Variants in ROR1 observed in about 807,000 individuals in gnomAD.
ROR1 encodes ROR family WNT receptor 1, also known as inactive tyrosine-protein kinase transmembrane receptor ROR1.
ROR1 carries 19 observed loss-of-function variants against 78.8 expected under a neutral mutation model. That is an observed-to-expected ratio of 0.24 (90% CI 0.17 to 0.35). ROR1 has a LOEUF of 0.35. ROR1 is among the 10% of genes least tolerant of loss of function. The pLI, the probability that ROR1 is intolerant of heterozygous loss-of-function variation, is 1.00. For synonymous variants in ROR1, 386 were observed against 433.6 expected (o/e 0.89, Z 1.36); for missense variants, 917 against 1,177.8 (o/e 0.78, Z 3.24).
At position 64,067,786 on chromosome 1, in the gene ROR1, C is replaced by T. The variant is rs545116957; in HGVS notation, c.482+17070C>T. Among the ~76,000 whole-genome samples, 16 of 145,314 alleles carry T rather than the reference C, an allele frequency of 1.1e-4. 1 individual carries two copies. In the East Asian group the frequency reaches 3.2e-3, roughly 29 times the overall value. On this transcript the variant is annotated intron_variant, in intron 4 of 8. Coordinates refer to ENST00000371079, the MANE Select transcript of ROR1 (RefSeq NM_005012.4). ...AGAGTGCAGTGGTGTGACCTCGGCT[C>T]ACTGCAAGCTCCGCCTCCCGGGTTC...
At chr1:63,865,964 A>G (rs1263658176) in intron 1 of ROR1, among the ~76,000 whole-genome samples, 4 of 152,172 alleles carry the variant, frequency 2.6e-5, no homozygotes, top group Non-Finnish European at 5.9e-5. Flanking sequence ...AAAAAACCCA[A>G]CAATCTTGAA....
chr1:63,831,007 C>T (rs1274526956), intron 1 of ROR1, among the ~76,000 whole-genome samples: 1 of 152,226 alleles, frequency 6.6e-6, no homozygotes, highest in African/African-American at 2.4e-5. Context: ...CCAAAATAAT[C>T]TCCTTTGACT....
chr1:64,076,060 C>A (rs939050613), intron 4 of ROR1, among the ~76,000 whole-genome samples: 4 of 151,782 alleles, frequency 2.6e-5, no homozygotes, highest in Non-Finnish European at 4.4e-5. Flanking sequence ...TCCTACCCTT[C>A]TTGCTGACAG....
chr1:63,789,629 T>C (rs1644713122), intron 1 of ROR1, among the ~76,000 whole-genome samples: 1 of 150,810 alleles, frequency 6.6e-6, no homozygotes, highest in South Asian at 2.1e-4. Context: ...ATTGTGGTTT[T>C]GCATTTGAAT....
chr1:63,967,772 T>C (rs1364308151), intron 1 of ROR1, among the ~76,000 whole-genome samples: 1 of 152,200 alleles, frequency 6.6e-6, no homozygotes, highest in Non-Finnish European at 1.5e-5. Flanking sequence ...AATCATAGAA[T>C]TGGAGGGGGA....
At chr1:63,986,759 T>A (rs1646256112) in intron 1 of ROR1, among the ~76,000 whole-genome samples, 1 of 151,780 alleles carries the variant, frequency 6.6e-6, no homozygotes, top group Non-Finnish European at 1.5e-5. Context: ...TAGCCAGACT[T>A]GGTGGTGTGT....
At chr1:63,781,772 A>G (rs1177757468) in intron 1 of ROR1, among the ~76,000 whole-genome samples, 2 of 152,162 alleles carry the variant, frequency 1.3e-5, no homozygotes, top group Non-Finnish European at 2.9e-5. Context: ...CCTGATCAGG[A>G]TTTATCTGCC....
At chr1:63,950,012 G>A (rs1043266525) in intron 1 of ROR1, among the ~76,000 whole-genome samples, 13 of 152,078 alleles carry the variant, frequency 8.5e-5, no homozygotes, top group African/African-American at 2.7e-4. Flanking sequence ...TAGAATCACC[G>A]CAGTTTCCAA....
chr1:63,979,068 C>T (rs1248266583), intron 1 of ROR1, among the ~76,000 whole-genome samples: 1 of 152,152 alleles, frequency 6.6e-6, no homozygotes, highest in Admixed American at 6.5e-5. Context: ...TGAGGACCAC[C>T]CACATTATGG....
chr1:64,023,487 C>T (rs1457674582), intron 2 of ROR1, among the ~76,000 whole-genome samples: 1 of 152,146 alleles, frequency 6.6e-6, no homozygotes, highest in African/African-American at 2.4e-5. Context: ...GATGTGTCAC[C>T]TGTACTGTTT....
At chr1:63,831,391 G>A (rs1188763056) in intron 1 of ROR1, among the ~76,000 whole-genome samples, 1 of 152,212 alleles carries the variant, frequency 6.6e-6, no homozygotes, top group South Asian at 2.1e-4. Context: ...TGAAATCTAG[G>A]CAAAGGCTTC....
chr1:64,126,897 C>A (rs550286706), intron 4 of ROR1, among the ~76,000 whole-genome samples: 2 of 152,274 alleles, frequency 1.3e-5, no homozygotes, highest in African/African-American at 4.8e-5. Context: ...CATTATCTTT[C>A]TGGCTTTAGG....
chr1:64,049,869 T>C lies in ROR1; in HGVS notation c.342T>C (p.Ser114=). The C allele has an allele frequency of 6.2e-7, 1 of 1,614,234 alleles. No individual in the cohort carries two copies. Among genetic ancestry groups the C allele is most frequent in the Non-Finnish European group, 8.5e-7 (1 of 1,180,038 alleles). The change falls in exon 3 of 9, where the codon TCT becomes TCC. Residue 114 remains serine (S), a synonymous_variant. Coordinates refer to ENST00000371079, the MANE Select transcript of ROR1 (RefSeq NM_005012.4). ...CCTTTCGGTCCACCATCTATGGCTC[T>C]CGGCTGCGGATTAGAAACCTCGACA... ...RLSFRSTIYG[S]RLRIRNLDTT...
intron 2 of ROR1, among the ~76,000 whole-genome samples, chr1:64,026,953 A>G (rs960201007): frequency 6.6e-6 from 1 of 152,222 alleles, no homozygotes; most frequent in African/African-American, 2.4e-5. Context: ...GAAAAGAAGC[A>G]AGAAGGATCA....
chr1:63,939,742 G>C (rs1645821543), intron 1 of ROR1, among the ~76,000 whole-genome samples: 1 of 152,122 alleles, frequency 6.6e-6, no homozygotes, highest in Non-Finnish European at 1.5e-5. Flanking sequence ...TAGAAAGAAT[G>C]TCCTTGGAGG....
At chr1:63,828,515 C>T (rs1644968707) in intron 1 of ROR1, among the ~76,000 whole-genome samples, 1 of 152,122 alleles carries the variant, frequency 6.6e-6, no homozygotes, top group Non-Finnish European at 1.5e-5. Context: ...CTGATGGGGG[C>T]AACTTTCACT....
At position 64,028,455 on chromosome 1, in the gene ROR1, G is replaced by C. The variant is rs376247885; in HGVS notation, c.163+19079G>C. Among the ~76,000 whole-genome samples, 23 of 152,304 alleles carry C rather than the reference G, an allele frequency of 1.5e-4. 1 individual carries two copies. The highest frequency in any genetic ancestry group is 4.3e-4 in the African/African-American group (18 of 41,564). On this transcript the variant is annotated intron_variant, in intron 2 of 8. Transcript: ENST00000371079. ...GCAGATCAAGGACACATCTGGCCAT[G>C]ACCCACATCTCCTCTCTTTAGCCCA...
chr1:64,127,014 C>G (rs1345155554), intron 4 of ROR1, among the ~76,000 whole-genome samples: 2 of 152,134 alleles, frequency 1.3e-5, no homozygotes, highest in South Asian at 2.1e-4. Context: ...AGAACAAAAC[C>G]TAGCACCTTT....
intron 1 of ROR1, among the ~76,000 whole-genome samples, chr1:63,792,618 G>T (rs2100240293): frequency 6.6e-6 from 1 of 152,326 alleles, no homozygotes; most frequent in Admixed American, 6.5e-5. Context: ...TAAAATCTCA[G>T]AGGATTATTA....
Sources: gnomAD v4.1 joint callset for allele counts (sites outside exome capture counted in the v4.1 genomes callset) on GRCh38, gnomAD v4.1.1 for gene constraint, MANE v1.5 for transcripts, NCBI Gene and HGNC (gene_info 2026-07-23, HGNC 2026-07-21) for gene names.